PHF23: variants seen among roughly 807,000 people sequenced by gnomAD.
The protein encoded by PHF23 is PHD finger protein 23.
Under a neutral mutation model 36.0 loss-of-function variants are expected in PHF23, and 3 were observed. That is an observed-to-expected ratio of 0.08 (90% confidence interval 0.04 to 0.22). The LOEUF (loss-of-function observed/expected upper bound fraction) is 0.22, where lower values mean the gene tolerates loss of function less well. Ranked by LOEUF, PHF23 falls within the 10% of genes least tolerant of loss-of-function variation. The pLI is 1.00. For synonymous variants in PHF23, 242 were observed against 192.5 expected, an observed-to-expected ratio of 1.26 and a Z score of -2.13; for missense variants, 475 against 513.6, an observed-to-expected ratio of 0.92 and a Z score of 0.73.
intron 1 of PHF23, chr17:7,238,731 C>G: frequency 2.7e-6 from 4 of 1,506,980 alleles, no homozygotes; most frequent in Non-Finnish European, 3.5e-6. Context: ...GGTACAGGTC[C>G]GTCTGCCGTA....
Position 7,235,651 on chromosome 17 carries a change from C to G in PHF23, c.1187G>C (p.Gly396Ala). 1 of 1,613,862 alleles carries G rather than the reference C, an allele frequency of 6.2e-7. No individual in the cohort carries two copies. The highest frequency in any genetic ancestry group is 8.5e-7 in the Non-Finnish European group (1 of 1,180,016). ...ELRPEARRLG[G>A]PPKSGEP ...TCAGGGCTCTCCAGATTTGGGAGGC[C>G]CCCCTAACCGCCGGGCCTCTGGCCT... Residue 396 changes from glycine (G) to alanine (A), a missense_variant, in exon 5 of 5, where the codon GGG becomes GCG. Coordinates refer to ENST00000320316, the MANE Select transcript of PHF23 (RefSeq NM_024297.3).
chr17:7,235,518 C>T lies in PHF23; in HGVS notation c.*108G>A, dbSNP rs2071638642. On this transcript the variant is annotated 3_prime_UTR_variant, in exon 5 of 5. Coordinates refer to ENST00000320316, the MANE Select transcript of PHF23 (RefSeq NM_024297.3). ...AACAAGTCTCCCTTGAGAATTCCTG[C>T]CTTGAAGTGCAGACAGTATCCAAGC... 2 of 1,131,268 alleles carry T rather than the reference C, an allele frequency of 1.8e-6. No homozygotes were observed. The highest frequency in any genetic ancestry group is 2.4e-5 in the East Asian group (1 of 42,444). 70.1% of individuals were successfully genotyped at this position (1,131,268 alleles called of 1,614,324 possible).
rs1475946590 is a variant in PHF23 at position 7,235,788 on chromosome 17, C to G, written c.1050G>C (p.Gly350=). 1.2e-6 allele frequency: 2 copies of G among 1,614,148 alleles called. No individual in the cohort carries two copies. Among genetic ancestry groups the G allele is most frequent in the Non-Finnish European group, 1.7e-6 (2 of 1,180,034 alleles). ...ACAGGCTGCACTCAATCATGGGCCG[C>G]CCTGCAAAGGGCTTTCGACAGTAAC... ...ITCYCRKPFA[G]RPMIECSLCG... is the part of the protein sequence containing the mutation. The change falls in exon 5 of 5, where the codon GGG becomes GGC. Residue 350 remains glycine, a synonymous_variant. Coordinates refer to ENST00000320316, the MANE Select transcript of PHF23 (RefSeq NM_024297.3).
At chr17:7,238,771 C>G (rs1362617643) in intron 1 of PHF23, 1 of 1,534,400 alleles carries the variant, frequency 6.5e-7, no homozygotes, top group Admixed American at 2.0e-5. Flanking sequence ...CTTCTCCCCA[C>G]AACTACCTGC....
At chr17:7,239,101 C>G in intron 1 of PHF23, 145 bp downstream of exon 1, 1 of 1,050,122 alleles carries the variant, frequency 9.5e-7, no homozygotes, top group Non-Finnish European at 1.4e-6. Context: ...TCTCTCAACT[C>G]GTCGCTCTCC....
At chr17:7,238,929 CT>C in intron 1 of PHF23, 1 of 1,522,352 alleles carries the variant, frequency 6.6e-7, no homozygotes, top group Non-Finnish European at 8.8e-7. Flanking sequence ...TCTCCGGCCA[CT>C]GGATTCCCCT....
Position 7,236,057 on chromosome 17 carries a change from A to C in PHF23, c.870T>G (p.Pro290=), listed in dbSNP as rs781765398. The part of the protein sequence containing the change: ...EAPRPPATVH[P]EGVPPADSES... ...CACTGTCAGCAGGAGGGACTCCTTC[A>C]GGGTGCACTGTGGCAGGGGGCCTAG... The change falls in exon 4 of 5, where the codon CCT becomes CCG. Residue 290 remains proline, a synonymous_variant. Coordinates refer to ENST00000320316, the MANE Select transcript of PHF23 (RefSeq NM_024297.3). This position sits in a 1 kb window ranked among gnomAD's most constrained non-coding sequence, Gnocchi z 5.1. 7 of 1,613,842 alleles carry C rather than the reference A, an allele frequency of 4.3e-6. No individual in the cohort carries two copies. In the Admixed American group the frequency reaches 1.2e-4, roughly 27 times the overall value.
rs777858099 is a variant in PHF23, at chr17:7,236,457, G to T, written c.470C>A (p.Thr157Asn). 1.2e-6 allele frequency: 2 copies of T among 1,613,740 alleles called. No homozygotes were observed. Among genetic ancestry groups the T allele is most frequent in the South Asian group, 1.1e-5 (1 of 91,078 alleles). The change falls in exon 4 of 5, where the codon ACC (threonine) becomes AAC (asparagine). Residue 157 changes from threonine to asparagine, a missense_variant. Thr to Asn is a moderately conservative substitution (Grantham distance 65, BLOSUM62 0). Transcript: ENST00000320316. This position sits in a 1 kb window ranked among gnomAD's most constrained non-coding sequence, Gnocchi z 5.1. ...SPLSPTSLTH[T>N]SRPPAALTPV... ...GGTAAGAGCAGCAGGGGGCCGGGAGGTATGTGTCAGGGATGTGGGGGACAA... is the reference window on the plus strand; with the variant it reads ...GGTAAGAGCAGCAGGGGGCCGGGAGTTATGTGTCAGGGATGTGGGGGACAA...
intron 1 of PHF23, chr17:7,237,971 A>G (rs935565421): frequency 5.0e-6 from 1 of 201,168 alleles, no homozygotes; most frequent in Non-Finnish European, 8.3e-6. Flanking sequence ...GCCCCACCCC[A>G]CCGTACCGCT....
Position 7,235,366 on chromosome 17 carries a change from G to A in PHF23, c.*260C>T. On this transcript the variant is annotated 3_prime_UTR_variant, in exon 5 of 5. Transcript: ENST00000320316. ...CCTGACCCAGAAAGTGATGGTGGCA[G>A]GTCCAAGAGACAGAGATTATGTGTC... The A allele has an allele frequency of 2.0e-6, 1 of 507,444 alleles. No individual in the cohort carries two copies. The highest frequency in any genetic ancestry group is 3.6e-6 in the Non-Finnish European group (1 of 279,432). 31.4% of individuals were successfully genotyped at this position (507,444 alleles called of 1,614,324 possible).
chr17:7,235,360 G>C lies in PHF23; in HGVS notation c.*266C>G. The C allele has an allele frequency of 2.0e-6, 1 of 497,810 alleles. No individual in the cohort carries two copies. Among genetic ancestry groups the C allele is most frequent in the South Asian group, 2.2e-5 (1 of 46,428 alleles). The allele number at this position is 497,810 out of a possible 1,614,324, so 30.8% of individuals were successfully genotyped here. A position where few individuals can be genotyped will look rare whatever the true frequency, so the allele number is the denominator to read the frequency against. On this transcript the variant is annotated 3_prime_UTR_variant, in exon 5 of 5. Transcript: ENST00000320316. ...TCCAATCCTGACCCAGAAAGTGATGGTGGCAGGTCCAAGAGACAGAGATTA... is the reference window on the plus strand; with the variant it reads ...TCCAATCCTGACCCAGAAAGTGATGCTGGCAGGTCCAAGAGACAGAGATTA...
In PHF23 at chr17:7,236,616, G is replaced by A; in HGVS notation, c.311C>T (p.Ala104Val). Residue 104 changes from alanine (A) to valine (V), a missense_variant, in exon 4 of 5, where the codon GCA becomes GTA. Physicochemically the swap from Ala to Val is moderately conservative, Grantham distance 64. Coordinates refer to ENST00000320316, the MANE Select transcript of PHF23 (RefSeq NM_024297.3). This position sits in a 1 kb window ranked among gnomAD's most constrained non-coding sequence, Gnocchi z 5.1. ...AKSSKRRAAQAGPTQPGPPRS... is the reference protein window; with the variant it reads ...AKSSKRRAAQVGPTQPGPPRS... ...TGGGGGTCCTGGCTGGGTGGGACCT[G>A]CTTGAGCTGCCCTTCTCTTGGATGA... is the stretch of plus-strand genomic sequence containing the variant. The A allele has an allele frequency of 6.2e-7, 1 of 1,614,182 alleles. No individual in the cohort carries two copies. Among genetic ancestry groups the A allele is most frequent in the Non-Finnish European group, 8.5e-7 (1 of 1,180,040 alleles).
At chr17:7,238,716 C>T in intron 1 of PHF23, 2 of 1,449,392 alleles carry the variant, frequency 1.4e-6, no homozygotes, top group Non-Finnish European at 1.8e-6. Flanking sequence ...CCACAACTAC[C>T]CCCCGGTACA....
At position 7,235,854 on chromosome 17, in the gene PHF23, GGTTT is replaced by G. The variant is rs761993155; in HGVS notation, c.998-18_998-15del. ...ATGAGTCATCACCTGGGGAAAAAAA[GGTTT>G]GTTTGGTATTCTGCCTGAGCTGTTG... On this transcript the variant is annotated splice_polypyrimidine_tract_variant and intron_variant, in intron 4 of 4. Coordinates refer to ENST00000320316, the MANE Select transcript of PHF23 (RefSeq NM_024297.3). 116 of 1,614,118 alleles carry G rather than the reference GGTTT, an allele frequency of 7.2e-5. 1 individual carries two copies. The South Asian group carries it at 8.2e-4, about 11-fold the overall frequency.
intron 4 of PHF23, 45 bp from the exon 5 acceptor site, chr17:7,235,885 A>T: frequency 6.2e-7 from 1 of 1,613,358 alleles, no homozygotes; most frequent in African/African-American, 1.3e-5. Flanking sequence ...GAGCTGTTGG[A>T]TCCACAACAC....
upstream of PHF23, chr17:7,239,517 CA>C: frequency 1.2e-5 from 3 of 250,662 alleles, no homozygotes; most frequent in Non-Finnish European, 2.3e-5. Flanking sequence ...CCTCCTCCTC[CA>C]CCTCCTCTCT....
At chr17:7,237,719 C>CT (rs2071698204) in intron 1 of PHF23, 59 bp from the exon 2 acceptor site, 1 of 1,587,898 alleles carries the variant, frequency 6.3e-7, no homozygotes, top group Middle Eastern at 1.7e-4. Flanking sequence ...AAAACTCCCC[C>CT]TCTAAACCCC....
chr17:7,239,058 C>A, intron 1 of PHF23, 188 bp downstream of exon 1: 4 of 1,279,066 alleles, frequency 3.1e-6, no homozygotes, highest in Non-Finnish European at 4.2e-6. Flanking sequence ...TCCAACTACC[C>A]CAGCCCAGTT....
rs1187077361 is a variant in PHF23 at position 7,239,442 on chromosome 17, C to G, written c.-163G>C. 1 of 486,708 alleles carries G rather than the reference C, an allele frequency of 2.1e-6. No homozygotes were observed. The allele number at this position is 486,708 out of a possible 1,614,324, so 30.1% of individuals were successfully genotyped here. A position where few individuals can be genotyped will look rare whatever the true frequency, so the allele number is the denominator to read the frequency against. On this transcript the variant is annotated 5_prime_UTR_variant, in exon 1 of 5. Coordinates refer to ENST00000320316, the MANE Select transcript of PHF23 (RefSeq NM_024297.3). ...AGCCGCTGCCGCCACCTCCCTCTAC[C>G]ACTGCCTCCCGCACTCCCGGACCGG...
Sources: gnomAD v4.1 joint callset for allele counts on GRCh38, gnomAD v4.1.1 for gene constraint, Gnocchi (gnomAD v3.1) non-coding constraint, MANE v1.5 for transcripts, NCBI Gene and HGNC (gene_info 2026-07-23, HGNC 2026-07-21) for gene names.